The following SH3GL2 variants were observed in gnomAD, a reference collection of about 807,000 sequenced individuals.
The protein encoded by SH3GL2 is endophilin-A1.
SH3GL2 carries 24 observed loss-of-function variants against 46.0 expected under a neutral mutation model. The observed-to-expected ratio is 0.52, with a 90% CI of 0.38 to 0.73. The LOEUF (loss-of-function observed/expected upper bound fraction) is 0.73, where lower values mean the gene tolerates loss of function less well. Ranked by LOEUF, SH3GL2 falls within the 30% of genes least tolerant of loss-of-function variation. SH3GL2 has a pLI of 0.00. For missense variants in SH3GL2, 413 were observed against 424.2 expected (o/e 0.97, Z 0.23); for synonymous variants, 196 against 147.1 (o/e 1.33, Z -2.40).
rs375508392 is a variant in SH3GL2 at position 17,716,748 on chromosome 9, A to T, written c.46-30318A>T. Among the ~76,000 whole-genome samples, 43 of 152,170 alleles carry T rather than the reference A, an allele frequency of 2.8e-4. 1 individual carries two copies. In the East Asian group the frequency reaches 5.4e-3, roughly 19 times the overall value. ...ATGCTAGTCACCTTGGTGGTCTCAG[A>T]TTCTGATCTCTCTTCACTCCATTCG... On this transcript the variant is annotated intron_variant, in intron 1 of 8. Coordinates refer to ENST00000380607, the MANE Select transcript of SH3GL2 (RefSeq NM_003026.5).
intron 6 of SH3GL2, chr9:17,790,430 T>C: frequency 1.0e-6 from 1 of 984,756 alleles, no homozygotes; most frequent in Non-Finnish European, 1.2e-6. Flanking sequence ...GGAAGTGTGT[T>C]GAACATATCC....
intron 3 of SH3GL2, among the ~76,000 whole-genome samples, chr9:17,774,400 T>C (rs919054889): frequency 2.6e-5 from 4 of 152,114 alleles, no homozygotes; most frequent in African/African-American, 9.7e-5. Flanking sequence ...CTTTCACCAT[T>C]TAGTATGATG....
chr9:17,720,424 G>A (rs796143952), intron 1 of SH3GL2, among the ~76,000 whole-genome samples: 6 of 152,112 alleles, frequency 3.9e-5, no homozygotes, highest in African/African-American at 1.4e-4. Context: ...GGTTGAGGAA[G>A]ATTTATGAAC....
At chr9:17,591,831 C>A (rs1298674355) in intron 1 of SH3GL2, among the ~76,000 whole-genome samples, 3 of 152,126 alleles carry the variant, frequency 2.0e-5, no homozygotes, top group African/African-American at 7.2e-5. Flanking sequence ...TGAACGTAGG[C>A]ATTTTCTGTA....
At chr9:17,759,433 C>T (rs1026372454) in intron 2 of SH3GL2, among the ~76,000 whole-genome samples, 3 of 152,214 alleles carry the variant, frequency 2.0e-5, no homozygotes, top group African/African-American at 7.2e-5. Flanking sequence ...GCCTCTCTTT[C>T]AGATTGGGAG....
chr9:17,596,600 G>T (rs1352958543), intron 1 of SH3GL2, among the ~76,000 whole-genome samples: 1 of 152,178 alleles, frequency 6.6e-6, no homozygotes, highest in African/African-American at 2.4e-5. Context: ...AGAATGAAGT[G>T]AGGGAGAGAT....
chr9:17,769,858 A>G (rs765316210), intron 3 of SH3GL2, among the ~76,000 whole-genome samples: 1 of 152,152 alleles, frequency 6.6e-6, no homozygotes, highest in South Asian at 2.1e-4. Context: ...CCCTCAGTAA[A>G]TATTTATTGA....
chr9:17,656,792 A>AAAAAAAT, intron 1 of SH3GL2, among the ~76,000 whole-genome samples: 1 of 151,410 alleles, frequency 6.6e-6, no homozygotes, highest in African/African-American at 2.4e-5. Context: ...AAAAAACAAA[A>AAAAAAAT]AAGGCTTTTC....
intron 3 of SH3GL2, among the ~76,000 whole-genome samples, chr9:17,784,889 T>A (rs976139643): frequency 6.6e-6 from 1 of 152,116 alleles, no homozygotes; most frequent in African/African-American, 2.4e-5. Context: ...ACTTTTAAAT[T>A]TTTCTGTAGA....
rs75675613 is a variant in SH3GL2, at chr9:17,583,292, A to G, written c.45+4005A>G. On this transcript the variant is annotated intron_variant, in intron 1 of 8. Transcript: ENST00000380607. ...CTGAATGTGTCCCTCTAAAATACGT[A>G]TGTTGAAGCTTGACTGCCAATGTGA... Among the ~76,000 whole-genome samples, 119 of 152,314 alleles carry G rather than the reference A, an allele frequency of 7.8e-4. 1 individual carries two copies. The highest frequency in any genetic ancestry group is 2.7e-3 in the African/African-American group (111 of 41,566).
intron 1 of SH3GL2, among the ~76,000 whole-genome samples, chr9:17,659,765 C>G (rs994255839): frequency 1.3e-5 from 2 of 152,128 alleles, no homozygotes; most frequent in Non-Finnish European, 2.9e-5. Flanking sequence ...TCTTGACTTT[C>G]AAGCTGAACA....
chr9:17,771,794 G>A (rs2131165998), intron 3 of SH3GL2, among the ~76,000 whole-genome samples: 1 of 152,214 alleles, frequency 6.6e-6, no homozygotes, highest in Non-Finnish European at 1.5e-5. Context: ...CCTACTTGAG[G>A]CATAAGAGAG....
intron 1 of SH3GL2, among the ~76,000 whole-genome samples, chr9:17,656,406 C>A (rs938211994): frequency 6.6e-6 from 1 of 150,936 alleles, no homozygotes; most frequent in Admixed American, 6.6e-5. Flanking sequence ...TTTTTTTTTA[C>A]TGGAGACGAG....
At chr9:17,627,909 C>T (rs1588185787) in intron 1 of SH3GL2, among the ~76,000 whole-genome samples, 1 of 152,172 alleles carries the variant, frequency 6.6e-6, no homozygotes, top group African/African-American at 2.4e-5. Flanking sequence ...TGGCTTTAGC[C>T]TCCTCTCTGT....
chr9:17,761,352 C>G, intron 2 of SH3GL2, 85 bp from the exon 3 acceptor site: 1 of 846,130 alleles, frequency 1.2e-6, no homozygotes. Context: ...TTGCATACCC[C>G]GCCATTGTAT....
chr9:17,609,746 A>G (rs564652539), intron 1 of SH3GL2, among the ~76,000 whole-genome samples: 18 of 152,390 alleles, frequency 1.2e-4, no homozygotes, highest in African/African-American at 3.8e-4. Context: ...GTTGCAGATC[A>G]TACTGCAAAG....
intron 1 of SH3GL2, among the ~76,000 whole-genome samples, chr9:17,624,236 C>G (rs1344695000): frequency 2.0e-5 from 3 of 152,116 alleles, no homozygotes; most frequent in African/African-American, 7.2e-5. Flanking sequence ...CCATCGGTGG[C>G]GATGATTTTT....
intron 1 of SH3GL2, among the ~76,000 whole-genome samples, chr9:17,596,163 A>G (rs1588162838): frequency 6.6e-6 from 1 of 152,028 alleles, no homozygotes; most frequent in East Asian, 1.9e-4. Context: ...TTCATTAGGC[A>G]TTTAGCTTAA....
At chr9:17,645,995 A>T (rs962679941) in intron 1 of SH3GL2, among the ~76,000 whole-genome samples, 1 of 151,990 alleles carries the variant, frequency 6.6e-6, no homozygotes, top group Non-Finnish European at 1.5e-5. Context: ...TTTCCCCATC[A>T]CTTTCAGATA....
Sources: gnomAD v4.1 joint callset for allele counts (sites outside exome capture counted in the v4.1 genomes callset) on GRCh38, gnomAD v4.1.1 for gene constraint, MANE v1.5 for transcripts, NCBI Gene and HGNC (gene_info 2026-07-23, HGNC 2026-07-21) for gene names.